The following EPHA6 variants were observed in gnomAD, a reference collection of about 807,000 sequenced individuals.
EPHA6 encodes EPH receptor A6.
EPHA6 carries 50 observed loss-of-function variants against 112.0 expected under a neutral mutation model. That is an observed-to-expected ratio of 0.45 (90% CI 0.36 to 0.56). The LOEUF (loss-of-function observed/expected upper bound fraction) is 0.56, where lower values mean the gene tolerates loss of function less well. EPHA6 is among the 20% of genes least tolerant of loss of function. The pLI is 0.00. For synonymous variants in EPHA6, 529 were observed against 490.7 expected, an observed-to-expected ratio of 1.08 and a Z score of -1.03; for missense variants, 1,280 against 1,417.4, an observed-to-expected ratio of 0.90 and a Z score of 1.56.
chr3:97,124,413 AT>A (rs1264910988), intron 3 of EPHA6, among the ~76,000 whole-genome samples: 1 of 151,854 alleles, frequency 6.6e-6, no homozygotes, highest in African/African-American at 2.4e-5. Context: ...AATTTTGGCC[AT>A]CACAGGCATA....
chr3:97,353,950 AG>A (rs924447496), intron 5 of EPHA6, among the ~76,000 whole-genome samples: 2 of 152,142 alleles, frequency 1.3e-5, no homozygotes, highest in African/African-American at 4.8e-5. Flanking sequence ...CATTTGTTTG[AG>A]GGAAAGTAAG....
intron 10 of EPHA6, among the ~76,000 whole-genome samples, chr3:97,504,815 C>T (rs762699374): frequency 7.2e-5 from 11 of 152,098 alleles, no homozygotes; most frequent in South Asian, 6.2e-4. Flanking sequence ...AGTATTTTTA[C>T]GTATATACTT....
chr3:97,551,041 C>T (rs181912770), intron 11 of EPHA6, among the ~76,000 whole-genome samples: 6 of 152,272 alleles, frequency 3.9e-5, no homozygotes, highest in Admixed American at 3.9e-4. Context: ...AATTGTGCTT[C>T]TCTATACTTT....
chr3:97,470,253 T>A lies in EPHA6; in HGVS notation c.1895-5099T>A, dbSNP rs542838982. ...GGTTGTCCATAAACTTTAAAACTAA[T>A]TTACTGGGTATCATCAATTCATGGC... is the stretch of plus-strand genomic sequence containing the variant. On this transcript the variant is annotated intron_variant, in intron 7 of 17. Transcript: ENST00000389672. Among the ~76,000 whole-genome samples the A allele has an allele frequency of 5.9e-5, 9 of 151,880 alleles. No homozygotes were observed. The South Asian group carries it at 1.9e-3, about 31-fold the overall frequency.
chr3:97,032,863 A>G (rs1052063753), intron 3 of EPHA6, among the ~76,000 whole-genome samples: 1 of 151,956 alleles, frequency 6.6e-6, no homozygotes, highest in African/African-American at 2.4e-5. Flanking sequence ...TAAGATGGAC[A>G]ATCATGCCGG....
intron 2 of EPHA6, among the ~76,000 whole-genome samples, chr3:96,956,642 A>G (rs1428541495): frequency 3.3e-5 from 5 of 152,208 alleles, no homozygotes; most frequent in Admixed American, 2.0e-4. Flanking sequence ...TTATTTGGCA[A>G]GAGAAGTTGA....
chr3:97,608,088 T>TAA (rs146763222), intron 12 of EPHA6, among the ~76,000 whole-genome samples: 2 of 140,962 alleles, frequency 1.4e-5, no homozygotes, highest in African/African-American at 2.6e-5. Flanking sequence ...GGAGCAATAG[T>TAA]AAAAAAAAAA....
intron 3 of EPHA6, among the ~76,000 whole-genome samples, chr3:97,079,189 C>T (rs1407697251): frequency 1.3e-5 from 2 of 151,982 alleles, no homozygotes; most frequent in South Asian, 2.1e-4. Context: ...ATAGCAAAGA[C>T]ATGGAATCAA....
At chr3:97,146,185 C>A (rs912421612) in intron 3 of EPHA6, among the ~76,000 whole-genome samples, 4 of 151,660 alleles carry the variant, frequency 2.6e-5, no homozygotes, top group African/African-American at 9.7e-5. Context: ...TAACCTCTGT[C>A]CTTGAATATT....
At chr3:97,718,861 G>A (rs1328087202) in intron 14 of EPHA6, among the ~76,000 whole-genome samples, 1 of 152,008 alleles carries the variant, frequency 6.6e-6, no homozygotes, top group East Asian at 1.9e-4. Flanking sequence ...TATACATAAG[G>A]TACTCAATAA....
At position 97,450,228 on chromosome 3, in the gene EPHA6, T is replaced by A. The variant is rs192641046; in HGVS notation, c.1894+1498T>A. Among the ~76,000 whole-genome samples the A allele has an allele frequency of 4.8e-3, 733 of 152,196 alleles. 7 individuals are homozygous for A. The highest frequency in any genetic ancestry group is 0.017 in the African/African-American group (704 of 41,546). On this transcript the variant is annotated intron_variant, in intron 7 of 17. Coordinates refer to ENST00000389672, the MANE Select transcript of EPHA6 (RefSeq NM_001080448.3). ...AAGATTTGTCCCTGTTATGTCTTTTTCACTTTTTTTCCCCTGCCCGCTTGT... is the reference window on the plus strand; with the variant it reads ...AAGATTTGTCCCTGTTATGTCTTTTACACTTTTTTTCCCCTGCCCGCTTGT...
At chr3:97,146,652 T>C (rs2076049937) in intron 3 of EPHA6, among the ~76,000 whole-genome samples, 1 of 151,980 alleles carries the variant, frequency 6.6e-6, no homozygotes, top group African/African-American at 2.4e-5. Context: ...ATGCCTCCTC[T>C]TCTTTTTAAA....
At chr3:97,397,528 G>A (rs564237915) in intron 5 of EPHA6, among the ~76,000 whole-genome samples, 1 of 151,566 alleles carries the variant, frequency 6.6e-6, no homozygotes, top group South Asian at 2.1e-4. Context: ...GCATTTGGGG[G>A]TTTATATTGA....
intron 1 of EPHA6, among the ~76,000 whole-genome samples, chr3:96,831,309 C>T (rs2034063337): frequency 6.6e-6 from 1 of 152,058 alleles, no homozygotes; most frequent in Non-Finnish European, 1.5e-5. Flanking sequence ...GTAATGAAAA[C>T]TTAAGTACCT....
In EPHA6 at chr3:97,458,283, A is replaced by C. The variant is rs569031995; in HGVS notation, c.1894+9553A>C. Reference sequence around the variant, plus strand: ...ACTATAAAGATAGGCAAAGGAGCAGAATACGGCAATCTTACTGCTAGATAT... The same window carrying C: ...ACTATAAAGATAGGCAAAGGAGCAGCATACGGCAATCTTACTGCTAGATAT... On this transcript the variant is annotated intron_variant, in intron 7 of 17. Coordinates refer to ENST00000389672, the MANE Select transcript of EPHA6 (RefSeq NM_001080448.3). Among the ~76,000 whole-genome samples the C allele has an allele frequency of 2.6e-5, 4 of 152,250 alleles. No homozygotes were observed. In the East Asian group the frequency reaches 7.7e-4, roughly 29 times the overall value.
chr3:97,328,054 C>CACATATATATATAT (rs372533674), intron 5 of EPHA6, among the ~76,000 whole-genome samples: 14 of 120,874 alleles, frequency 1.2e-4, no homozygotes, highest in African/African-American at 3.9e-4. Context: ...CATATATACA[C>CACATATATATATAT]ATATATATAT....
At chr3:96,993,769 A>G (rs770598533) in intron 3 of EPHA6, among the ~76,000 whole-genome samples, 24 of 152,160 alleles carry the variant, frequency 1.6e-4, no homozygotes, top group Non-Finnish European at 2.2e-4. Flanking sequence ...GAAAATATAT[A>G]TAGATATGGA....
chr3:97,080,666 A>G (rs1337984258), intron 3 of EPHA6, among the ~76,000 whole-genome samples: 1 of 152,116 alleles, frequency 6.6e-6, no homozygotes, highest in African/African-American at 2.4e-5. Flanking sequence ...CAAACTGTCA[A>G]TTTAAGAACA....
In EPHA6 at chr3:97,605,979, A is replaced by G. The variant is rs1454803935; in HGVS notation, c.2513-4814A>G. On this transcript the variant is annotated intron_variant, in intron 12 of 17. Coordinates refer to ENST00000389672, the MANE Select transcript of EPHA6 (RefSeq NM_001080448.3). ...TCACTTCCTTGATTAGTTGAAAAAC[A>G]GGAGATATGGGAATAGGGTGAAGTA... 2.6e-5 allele frequency among the ~76,000 whole-genome samples: 4 copies of G among 151,336 alleles called. No individual in the cohort carries two copies. The East Asian group carries it at 5.8e-4, about 22-fold the overall frequency.
Sources: gnomAD v4.1 joint callset for allele counts (sites outside exome capture counted in the v4.1 genomes callset) on GRCh38, gnomAD v4.1.1 for gene constraint, MANE v1.5 for transcripts, NCBI Gene and HGNC (gene_info 2026-07-23, HGNC 2026-07-21) for gene names.